Variants in FAM110B observed in about 807,000 individuals in gnomAD.
FAM110B encodes family with sequence similarity 110 member B, also known as protein FAM110B.
In FAM110B, 6 loss-of-function variants were observed where a neutral mutation model predicts 20.4. The observed-to-expected ratio is 0.29, with a 90% CI of 0.16 to 0.58. The LOEUF (loss-of-function observed/expected upper bound fraction) is 0.58. FAM110B is among the 20% of genes least tolerant of loss of function. The pLI is 0.90. For missense variants in FAM110B, 434 were observed against 498.2 expected, an observed-to-expected ratio of 0.87 and a Z score of 1.23; for synonymous variants, 226 against 214.1, an observed-to-expected ratio of 1.06 and a Z score of -0.49.
At chr8:58,081,294 C>T (rs1806184525) in intron 3 of FAM110B, among the ~76,000 whole-genome samples, 1 of 152,198 alleles carries the variant, frequency 6.6e-6, no homozygotes, top group African/African-American at 2.4e-5. Flanking sequence ...CCAACCTCTG[C>T]ATCCCAGTTT....
At chr8:58,057,367 G>T (rs1237548058) in intron 2 of FAM110B, among the ~76,000 whole-genome samples, 3 of 152,182 alleles carry the variant, frequency 2.0e-5, no homozygotes, top group Non-Finnish European at 4.4e-5. Context: ...ACAAACACAG[G>T]GCACATTTAG....
In FAM110B at chr8:58,084,842, G is replaced by A. The variant is rs1806293774; in HGVS notation, c.-325+9219G>A. ...AGAGGCTGCTGTCAGGTGCCAGCAG[G>A]GATTTTATGGATCATTACCAAGGAA... On this transcript the variant is annotated intron_variant, in intron 3 of 3. Transcript: ENST00000519262. Among the ~76,000 whole-genome samples the A allele has an allele frequency of 2.0e-5, 3 of 152,030 alleles. No individual in the cohort carries two copies. In the South Asian group the frequency reaches 6.2e-4, roughly 32 times the overall value.
chr8:58,112,260 C>T (rs1023192774), intron 3 of FAM110B, among the ~76,000 whole-genome samples: 2 of 152,112 alleles, frequency 1.3e-5, no homozygotes, highest in African/African-American at 2.4e-5. Context: ...ACCCAGGAGG[C>T]GGAGGTTGCA....
chr8:58,134,948 C>T (rs1274013562), intron 3 of FAM110B, among the ~76,000 whole-genome samples: 1 of 152,070 alleles, frequency 6.6e-6, no homozygotes, highest in South Asian at 2.1e-4. Flanking sequence ...AGTGAATGGT[C>T]AAAAGAGTAG....
intron 3 of FAM110B, among the ~76,000 whole-genome samples, chr8:58,112,548 G>C (rs2150620280): frequency 6.6e-6 from 1 of 152,298 alleles, no homozygotes; most frequent in South Asian, 2.1e-4. Flanking sequence ...CTTCACCTGG[G>C]TGATGATTTG....
chr8:58,078,514 T>C (rs971330347), intron 3 of FAM110B, among the ~76,000 whole-genome samples: 1 of 151,842 alleles, frequency 6.6e-6, no homozygotes, highest in Non-Finnish European at 1.5e-5. Context: ...CCTTGAAGGT[T>C]TCCTTTTTCA....
At chr8:58,072,330 G>A (rs1435965619) in intron 2 of FAM110B, among the ~76,000 whole-genome samples, 1 of 152,120 alleles carries the variant, frequency 6.6e-6, no homozygotes, top group Non-Finnish European at 1.5e-5. Context: ...GCCTAGGGCT[G>A]GGTCTTAAAG....
intron 1 of FAM110B, among the ~76,000 whole-genome samples, chr8:58,021,479 C>G (rs1215030515): frequency 6.6e-6 from 1 of 152,148 alleles, no homozygotes; most frequent in East Asian, 1.9e-4. Flanking sequence ...GACACATACA[C>G]AGAACCGATT....
intron 2 of FAM110B, among the ~76,000 whole-genome samples, chr8:58,071,152 T>C (rs1049619498): frequency 3.3e-5 from 5 of 152,140 alleles, no homozygotes; most frequent in African/African-American, 1.2e-4. Context: ...TAATCTTAAA[T>C]AATCTGGGAT....
chr8:58,081,705 G>A (rs902153480), intron 3 of FAM110B, among the ~76,000 whole-genome samples: 2 of 152,056 alleles, frequency 1.3e-5, no homozygotes, highest in South Asian at 2.1e-4. Context: ...CGTCTTGCCC[G>A]AAATCCCCTA....
intron 1 of FAM110B, among the ~76,000 whole-genome samples, chr8:58,027,932 T>G (rs533453538): frequency 9.2e-5 from 14 of 152,334 alleles, no homozygotes; most frequent in Non-Finnish European, 1.9e-4. Context: ...GTGTGGAATC[T>G]CTGTGTTTAA....
intron 2 of FAM110B, among the ~76,000 whole-genome samples, chr8:58,074,424 C>A (rs911243091): frequency 4.6e-5 from 7 of 152,168 alleles, no homozygotes; most frequent in Non-Finnish European, 8.8e-5. Context: ...CTGCTGCTCC[C>A]CCTGCTGCCT....
At chr8:58,003,558 C>T (rs770095985) in intron 1 of FAM110B, among the ~76,000 whole-genome samples, 2 of 152,198 alleles carry the variant, frequency 1.3e-5, no homozygotes, top group African/African-American at 2.4e-5. Context: ...TGAAATTACT[C>T]ATTGATCCAT....
chr8:58,110,373 G>A (rs1376809375), intron 3 of FAM110B, among the ~76,000 whole-genome samples: 1 of 152,078 alleles, frequency 6.6e-6, no homozygotes, highest in Non-Finnish European at 1.5e-5. Context: ...ATTTTAAATT[G>A]TACAGAAGAG....
Position 58,147,462 on chromosome 8 carries a change from T to G in FAM110B, c.*119T>G. 2 of 1,266,996 alleles carry G rather than the reference T, an allele frequency of 1.6e-6. No individual in the cohort carries two copies. The highest frequency in any genetic ancestry group is 2.2e-6 in the Non-Finnish European group (2 of 920,226). 78.5% of individuals were successfully genotyped at this position (1,266,996 alleles called of 1,614,324 possible). On this transcript the variant is annotated 3_prime_UTR_variant, in exon 4 of 4. Coordinates refer to ENST00000519262, the MANE Select transcript of FAM110B (RefSeq NM_001377989.1). Reference sequence around the variant, plus strand: ...CTTTGTGTTGCTTGTTGTGCAATGTTTTCAAGTTGCATGCTTGTCAACATG... The same window carrying G: ...CTTTGTGTTGCTTGTTGTGCAATGTGTTCAAGTTGCATGCTTGTCAACATG...
chr8:58,136,294 G>A (rs1281600568), intron 3 of FAM110B, among the ~76,000 whole-genome samples: 4 of 152,126 alleles, frequency 2.6e-5, no homozygotes, highest in African/African-American at 7.2e-5. Flanking sequence ...ATAGGCGTGA[G>A]CCACCGTGCC....
At chr8:58,052,824 C>G (rs1023633094) in intron 2 of FAM110B, among the ~76,000 whole-genome samples, 6 of 130,310 alleles carry the variant, frequency 4.6e-5, no homozygotes, top group Middle Eastern at 5.0e-3. Context: ...CTCGCTCTGT[C>G]GCCCAGGCTG....
chr8:58,128,732 T>C (rs979297503), intron 3 of FAM110B, among the ~76,000 whole-genome samples: 3 of 152,228 alleles, frequency 2.0e-5, no homozygotes, highest in Non-Finnish European at 4.4e-5. Flanking sequence ...GGTCACATTT[T>C]GCTGTTGATC....
chr8:58,026,271 T>C (rs1362775990), intron 1 of FAM110B, among the ~76,000 whole-genome samples: 2 of 152,118 alleles, frequency 1.3e-5, no homozygotes, highest in East Asian at 1.9e-4. Flanking sequence ...TAGTTTGAGC[T>C]TCTACTGTGA....
Sources: gnomAD v4.1 joint callset for allele counts (sites outside exome capture counted in the v4.1 genomes callset) on GRCh38, gnomAD v4.1.1 for gene constraint, MANE v1.5 for transcripts, NCBI Gene and HGNC (gene_info 2026-07-23, HGNC 2026-07-21) for gene names.